The following CHST9 variants were observed in gnomAD, a reference collection of about 807,000 sequenced individuals.
CHST9 encodes the protein carbohydrate sulfotransferase 9, also known as GalNAc-4-sulfotransferase 2.
Under a neutral mutation model 44.4 loss-of-function variants are expected in CHST9, and 41 were observed. That is an observed-to-expected ratio of 0.92 (90% confidence interval 0.72 to 1.20). The LOEUF (loss-of-function observed/expected upper bound fraction) is 1.20. CHST9 is among the 50% of genes most tolerant of loss of function. The probability of loss-of-function intolerance (pLI) is 0.00; values close to 1 mark genes in which losing one functional copy is unlikely to be tolerated. For missense variants in CHST9, 504 were observed against 516.5 expected (o/e 0.98, Z 0.23); for synonymous variants, 171 against 178.4 (o/e 0.96, Z 0.33).
chr18:26,943,124 C>G (rs559023073), intron 5 of CHST9, among the ~76,000 whole-genome samples: 1 of 151,998 alleles, frequency 6.6e-6, no homozygotes, highest in African/African-American at 2.4e-5. Flanking sequence ...AAGAAAGAAA[C>G]TAAGTTTAAA....
At chr18:27,155,035 T>C (rs2058687746) in intron 1 of CHST9, among the ~76,000 whole-genome samples, 2 of 146,888 alleles carry the variant, frequency 1.4e-5, no homozygotes, top group African/African-American at 5.1e-5. Context: ...TGAGCCAAGG[T>C]CACAGCATTG....
At chr18:27,074,257 A>C (rs1280442039) in intron 2 of CHST9, among the ~76,000 whole-genome samples, 1 of 152,206 alleles carries the variant, frequency 6.6e-6, no homozygotes. Flanking sequence ...CTTAGCATGA[A>C]GGATCTCTCG....
rs559155834 is a variant in CHST9 at position 26,915,928 on chromosome 18, C to T, written c.*331G>A. On this transcript the variant is annotated 3_prime_UTR_variant, in exon 6 of 6. Coordinates refer to ENST00000618847, the MANE Select transcript of CHST9 (RefSeq NM_031422.6). Reference sequence around the variant, plus strand: ...TTCAGGATATAGACATACACTCATGCTATTTGAGATCCTTTTTTCCTACCA... The same window carrying T: ...TTCAGGATATAGACATACACTCATGTTATTTGAGATCCTTTTTTCCTACCA... The T allele has an allele frequency of 4.9e-5, 10 of 203,264 alleles. No homozygotes were observed. In the South Asian group the frequency reaches 9.7e-4, roughly 20 times the overall value. The allele number at this position is 203,264 out of a possible 1,614,324, so 12.6% of individuals were successfully genotyped here.
At chr18:27,092,796 T>C (rs2058081993) in intron 2 of CHST9, among the ~76,000 whole-genome samples, 1 of 152,262 alleles carries the variant, frequency 6.6e-6, no homozygotes, top group Non-Finnish European at 1.5e-5. Context: ...TTGATTGCAC[T>C]GTGGTCTGAG....
At chr18:26,944,233 C>T in intron 5 of CHST9, 96 bp downstream of exon 5, 1 of 909,864 alleles carries the variant, frequency 1.1e-6, no homozygotes, top group Non-Finnish European at 1.8e-6. Context: ...TCATAACTAA[C>T]AGCTAACATT....
intron 3 of CHST9, among the ~76,000 whole-genome samples, chr18:27,035,527 C>T (rs1394022547): frequency 1.3e-5 from 2 of 151,856 alleles, no homozygotes; most frequent in Non-Finnish European, 2.9e-5. Flanking sequence ...CACATATATA[C>T]ATTTTATATA....
At chr18:27,009,267 T>C (rs1433632138) in intron 4 of CHST9, among the ~76,000 whole-genome samples, 2 of 152,168 alleles carry the variant, frequency 1.3e-5, no homozygotes, top group South Asian at 2.1e-4. Flanking sequence ...AATGGTTAAG[T>C]GTGTGTCCTG....
At position 27,021,986 on chromosome 18, in the gene CHST9, G is replaced by C. The variant is rs147552616; in HGVS notation, c.202+2130C>G. 6.1e-3 allele frequency among the ~76,000 whole-genome samples: 930 copies of C among 152,094 alleles called. 14 individuals are homozygous for C. The highest frequency in any genetic ancestry group is 0.021 in the African/African-American group (879 of 41,494). ...AGGCACATGCCCCTATGCCCAGCTTGTCCCTGTTTTATAAACAAGAGCTCA... is the reference window on the plus strand; with the variant it reads ...AGGCACATGCCCCTATGCCCAGCTTCTCCCTGTTTTATAAACAAGAGCTCA... On this transcript the variant is annotated intron_variant, in intron 4 of 5. Coordinates refer to ENST00000618847, the MANE Select transcript of CHST9 (RefSeq NM_031422.6).
At chr18:27,044,404 T>C (rs1320995936) in intron 3 of CHST9, among the ~76,000 whole-genome samples, 1 of 151,966 alleles carries the variant, frequency 6.6e-6, no homozygotes. Context: ...TGAAGTGCTG[T>C]CAAGAAAATA....
chr18:27,019,933 A>G (rs2057203580), intron 4 of CHST9, among the ~76,000 whole-genome samples: 1 of 152,218 alleles, frequency 6.6e-6, no homozygotes, highest in South Asian at 2.1e-4. Context: ...ACAGGAGGAA[A>G]TATAAGGAGG....
chr18:27,101,602 T>A (rs1322655040), intron 2 of CHST9, among the ~76,000 whole-genome samples: 1 of 150,914 alleles, frequency 6.6e-6, no homozygotes, highest in East Asian at 1.9e-4. Flanking sequence ...AGAGCGAGAC[T>A]CTGTCTCAAA....
chr18:26,942,481 T>C (rs974995778), intron 5 of CHST9, among the ~76,000 whole-genome samples: 1 of 152,246 alleles, frequency 6.6e-6, no homozygotes, highest in Admixed American at 6.5e-5. Flanking sequence ...ATCAGATCAA[T>C]ATTTAAGATT....
At chr18:27,029,147 C>A (rs1371944693) in intron 3 of CHST9, among the ~76,000 whole-genome samples, 1 of 151,964 alleles carries the variant, frequency 6.6e-6, no homozygotes, top group African/African-American at 2.4e-5. Flanking sequence ...TTCTCCTGGT[C>A]AGCAGGAGAA....
intron 1 of CHST9, among the ~76,000 whole-genome samples, chr18:27,155,887 A>G (rs1391446139): frequency 2.0e-5 from 3 of 152,088 alleles, no homozygotes; most frequent in African/African-American, 7.2e-5. Context: ...GAATGCATCC[A>G]CCGGTAAAAT....
chr18:27,047,527 T>C (rs1264686030), intron 3 of CHST9, among the ~76,000 whole-genome samples: 1 of 151,902 alleles, frequency 6.6e-6, no homozygotes, highest in African/African-American at 2.4e-5. Flanking sequence ...AATGCTAAGA[T>C]TGGAAAGGAC....
At chr18:27,026,438 G>A (rs1030372583) in intron 3 of CHST9, among the ~76,000 whole-genome samples, 3 of 152,048 alleles carry the variant, frequency 2.0e-5, no homozygotes, top group African/African-American at 7.2e-5. Context: ...TGTAAGCATC[G>A]ATTAAATGAT....
intron 4 of CHST9, among the ~76,000 whole-genome samples, chr18:26,945,410 C>G (rs1264696852): frequency 6.6e-6 from 1 of 152,174 alleles, no homozygotes; most frequent in Non-Finnish European, 1.5e-5. Context: ...TACACTACAT[C>G]ACTCCCCTCC....
At chr18:27,163,877 T>C (rs897109349) in intron 1 of CHST9, among the ~76,000 whole-genome samples, 1 of 152,168 alleles carries the variant, frequency 6.6e-6, no homozygotes, top group Non-Finnish European at 1.5e-5. Context: ...CAGTTGGAAA[T>C]GCAGAAATCA....
chr18:27,063,761 AT>A (rs939894242), intron 2 of CHST9, among the ~76,000 whole-genome samples: 7 of 150,878 alleles, frequency 4.6e-5, no homozygotes, highest in South Asian at 2.1e-4. Context: ...TTTGCTATAG[AT>A]TTTTTTTCAA....
Sources: gnomAD v4.1 joint callset for allele counts (sites outside exome capture counted in the v4.1 genomes callset) on GRCh38, gnomAD v4.1.1 for gene constraint, MANE v1.5 for transcripts, NCBI Gene and HGNC (gene_info 2026-07-23, HGNC 2026-07-21) for gene names.